Variants in MMP26 observed in about 807,000 individuals in gnomAD.
MMP26 encodes the protein matrix metallopeptidase 26.
A neutral mutation model predicts 31.0 loss-of-function variants in MMP26; 33 were observed. The ratio of observed to expected loss-of-function variants is 1.06; its 90% CI spans 0.81 to 1.42. The LOEUF (loss-of-function observed/expected upper bound fraction) is 1.42. Among genes scored for constraint, MMP26 ranks in the 40% most tolerant of loss-of-function variants. The pLI, the probability that MMP26 is intolerant of heterozygous loss-of-function variation, is 0.00. For synonymous variants in MMP26, 122 were observed against 114.9 expected (o/e 1.06, Z -0.40); for missense variants, 347 against 316.1 (o/e 1.10, Z -0.74).
At chr11:4,772,473 G>T (rs73397074) in intron 2 of MMP26, among the ~76,000 whole-genome samples, 6,334 of 152,222 alleles carry the variant, frequency 0.042, 435 homozygotes, top group African/African-American at 0.15. Context: ...AATGATAGAT[G>T]TCCATTCTCA....
At chr11:4,828,130 A>G (rs1849602435) in intron 2 of MMP26, among the ~76,000 whole-genome samples, 1 of 152,168 alleles carries the variant, frequency 6.6e-6, no homozygotes, top group South Asian at 2.1e-4. Flanking sequence ...CTGAATGTGA[A>G]AAATCAAATT....
chr11:4,982,794 T>G (rs905319257), intron 2 of MMP26, among the ~76,000 whole-genome samples: 2 of 152,200 alleles, frequency 1.3e-5, no homozygotes, highest in African/African-American at 4.8e-5. Flanking sequence ...GAAAGAGGTT[T>G]GCTCAGGCAA....
At chr11:4,981,279 G>T (rs1193347943) in intron 2 of MMP26, among the ~76,000 whole-genome samples, 1 of 152,024 alleles carries the variant, frequency 6.6e-6, no homozygotes, top group African/African-American at 2.4e-5. Context: ...TAATGATAGA[G>T]ATACTCATTC....
chr11:4,722,807 G>A (rs1848033303), intron 1 of MMP26: 3 of 965,776 alleles, frequency 3.1e-6, no homozygotes, highest in Non-Finnish European at 5.0e-6. Flanking sequence ...TCACAACCAC[G>A]GCCCTGGTGG....
chr11:4,768,295 A>G (rs1283190009), intron 2 of MMP26, among the ~76,000 whole-genome samples: 1 of 152,144 alleles, frequency 6.6e-6, no homozygotes, highest in East Asian at 1.9e-4. Context: ...TTTTCTTTGG[A>G]CTGTCCAACA....
intron 2 of MMP26, among the ~76,000 whole-genome samples, chr11:4,934,196 T>C (rs1349661693): frequency 6.8e-6 from 1 of 147,240 alleles, no homozygotes; most frequent in Non-Finnish European, 1.5e-5. Flanking sequence ...ACCAACAGTG[T>C]AAAAGTGTTC....
intron 1 of MMP26, among the ~76,000 whole-genome samples, chr11:4,713,261 T>C (rs1847884874): frequency 6.6e-6 from 1 of 152,164 alleles, no homozygotes; most frequent in South Asian, 2.1e-4. Context: ...GTGTTATTTG[T>C]ATTATGTTAT....
chr11:4,889,673 C>T (rs35678658), intron 2 of MMP26: 12,827 of 152,358 alleles, frequency 0.084, 675 homozygotes, highest in Middle Eastern at 0.19. Context: ...AGAGGTGGCA[C>T]TAGCAAGAAA....
intron 2 of MMP26, among the ~76,000 whole-genome samples, chr11:4,873,200 T>C (rs1850333528): frequency 6.6e-6 from 1 of 152,124 alleles, no homozygotes; most frequent in Non-Finnish European, 1.5e-5. Flanking sequence ...TTGTCCCAAA[T>C]TCTGGAAGGT....
At chr11:4,991,834 T>G (rs546407453) in intron 6 of MMP26, 130 bp from the exon 7 acceptor site, 1 of 855,524 alleles carries the variant, frequency 1.2e-6, no homozygotes, top group Admixed American at 3.4e-5. Flanking sequence ...TGCCTACCTT[T>G]TCCTTTACCC....
intron 2 of MMP26, among the ~76,000 whole-genome samples, chr11:4,887,487 TTTG>T (rs1850560162): frequency 6.6e-6 from 1 of 152,158 alleles, no homozygotes; most frequent in Non-Finnish European, 1.5e-5. Flanking sequence ...AACTAAAAAC[TTTG>T]TTGTTTCTTT....
intron 1 of MMP26, among the ~76,000 whole-genome samples, chr11:4,717,526 G>GTTT (rs397747424): frequency 6.8e-6 from 1 of 145,998 alleles, no homozygotes; most frequent in Non-Finnish European, 1.5e-5. Flanking sequence ...TTTCCATGTT[G>GTTT]TTTTTTTTTT....
At chr11:4,978,811 A>G (rs1440032438) in intron 2 of MMP26, among the ~76,000 whole-genome samples, 1 of 152,060 alleles carries the variant, frequency 6.6e-6, no homozygotes, top group Non-Finnish European at 1.5e-5. Context: ...ACCTTCTCCT[A>G]TTTTCCCAAC....
At chr11:4,968,080 C>A (rs1846619922) in intron 2 of MMP26, among the ~76,000 whole-genome samples, 1 of 151,966 alleles carries the variant, frequency 6.6e-6, no homozygotes, top group African/African-American at 2.4e-5. Flanking sequence ...CCATTCAGTT[C>A]TAAAGATCCA....
intron 1 of MMP26, among the ~76,000 whole-genome samples, chr11:4,728,002 T>C (rs1375062804): frequency 6.6e-6 from 1 of 152,170 alleles, no homozygotes. Context: ...GGGAGTATAA[T>C]TGGTACAGTT....
At chr11:4,716,263 T>G (rs965885710) in intron 1 of MMP26, among the ~76,000 whole-genome samples, 5 of 152,256 alleles carry the variant, frequency 3.3e-5, no homozygotes, top group Non-Finnish European at 7.3e-5. Flanking sequence ...CACCTACTTT[T>G]GCTGTGCTCA....
chr11:4,902,947 AT>A (rs1467378014), intron 2 of MMP26, among the ~76,000 whole-genome samples: 1 of 151,876 alleles, frequency 6.6e-6, no homozygotes, highest in Non-Finnish European at 1.5e-5. Flanking sequence ...ATTAATTAAA[AT>A]TATTTTATTA....
chr11:4,928,980 G>A (rs1851309880), intron 2 of MMP26, among the ~76,000 whole-genome samples: 1 of 152,092 alleles, frequency 6.6e-6, no homozygotes, highest in Non-Finnish European at 1.5e-5. Context: ...GGTGGGCAAT[G>A]TATTTGACAA....
chr11:4,832,031 A>G (rs1427685791), intron 2 of MMP26: 1 of 152,218 alleles, frequency 6.6e-6, no homozygotes, highest in African/African-American at 2.4e-5. Context: ...AATTTAACCA[A>G]CAACTGAACT....
Sources: gnomAD v4.1 joint callset for allele counts (sites outside exome capture counted in the v4.1 genomes callset) on GRCh38, gnomAD v4.1.1 for gene constraint, MANE v1.5 for transcripts, NCBI Gene and HGNC (gene_info 2026-07-23, HGNC 2026-07-21) for gene names.